The following SUCO variants were observed in gnomAD, a reference collection of about 807,000 sequenced individuals.
The protein encoded by SUCO is SUN domain containing ossification factor.
Under a neutral mutation model 148.1 loss-of-function variants are expected in SUCO, and 57 were observed. That is an observed-to-expected ratio of 0.38 (90% confidence interval 0.31 to 0.48). The LOEUF is 0.48. Ranked by LOEUF, SUCO falls within the 20% of genes least tolerant of loss-of-function variation. The pLI, the probability that SUCO is intolerant of heterozygous loss-of-function variation, is 0.96. For synonymous variants in SUCO, 470 were observed against 502.7 expected, an observed-to-expected ratio of 0.93 and a Z score of 0.87; for missense variants, 1,331 against 1,468.2, an observed-to-expected ratio of 0.91 and a Z score of 1.53.
chr1:172,601,379 A>G (rs1055893402), intron 20 of SUCO, among the ~76,000 whole-genome samples: 1 of 152,018 alleles, frequency 6.6e-6, no homozygotes, highest in Non-Finnish European at 1.5e-5. Context: ...TAATCCCAGC[A>G]ACTTGGGAGC....
chr1:172,599,515 T>G (rs1055587832), intron 19 of SUCO: 1 of 407,518 alleles, frequency 2.5e-6, no homozygotes, highest in Non-Finnish European at 3.3e-6. Context: ...GCATTTTTGA[T>G]GCATTTCTTT....
At chr1:172,571,578 G>A (rs905939939) in intron 9 of SUCO, among the ~76,000 whole-genome samples, 16 of 144,646 alleles carry the variant, frequency 1.1e-4, no homozygotes, top group Non-Finnish European at 2.0e-4. Context: ...AGTGAGGAGC[G>A]TCTCTGCCCG....
intron 10 of SUCO, chr1:172,574,850 C>T (rs1261794209): frequency 1.6e-5 from 16 of 983,842 alleles, no homozygotes; most frequent in South Asian, 4.7e-5. Context: ...TTTTTGAAAT[C>T]GGTTCTCAAG....
intron 22 of SUCO, among the ~76,000 whole-genome samples, chr1:172,604,149 G>T (rs994677613): frequency 1.2e-4 from 18 of 151,876 alleles, no homozygotes; most frequent in Non-Finnish European, 1.0e-4. Flanking sequence ...ATGCAATTAG[G>T]AAATACGTTA....
At chr1:172,542,382 C>CA (rs1299795957) in intron 1 of SUCO, among the ~76,000 whole-genome samples, 6 of 149,590 alleles carry the variant, frequency 4.0e-5, no homozygotes, top group East Asian at 2.0e-4. Flanking sequence ...AACTCCGTCT[C>CA]AAAAAAAAAG....
intron 4 of SUCO, chr1:172,556,675 T>C (rs1403428587): frequency 2.0e-6 from 2 of 984,886 alleles, no homozygotes; most frequent in Non-Finnish European, 2.4e-6. Flanking sequence ...GCACAAGATA[T>C]TATGGTTACC....
chr1:172,556,996 TTAGTA>T, intron 4 of SUCO: 2 of 979,342 alleles, frequency 2.0e-6, no homozygotes, highest in Non-Finnish European at 2.4e-6. Context: ...GCTGGTAGAA[TTAGTA>T]TAGTAATGAT....
intron 23 of SUCO, 46 bp from the exon 24 acceptor site, chr1:172,609,770 A>G (rs1191288692): frequency 1.3e-6 from 2 of 1,550,838 alleles, no homozygotes; most frequent in Non-Finnish European, 1.7e-6. Context: ...TGATAAGGTT[A>G]CTATGGGAAG....
intron 19 of SUCO, among the ~76,000 whole-genome samples, chr1:172,597,978 G>GT (rs1435625364): frequency 2.8e-4 from 43 of 152,260 alleles, no homozygotes; most frequent in African/African-American, 9.6e-4. Context: ...CAATATATCA[G>GT]TTTTCTCTTT....
At position 172,557,300 on chromosome 1, in the gene SUCO, C is replaced by T; in HGVS notation, c.464C>T (p.Thr155Ile). 6.2e-7 allele frequency: 1 copy of T among 1,613,570 alleles called. No individual in the cohort carries two copies. Among genetic ancestry groups the T allele is most frequent in the Non-Finnish European group, 8.5e-7 (1 of 1,179,716 alleles). The change falls in exon 5 of 24, where the codon ACT (threonine) becomes ATT (isoleucine). Residue 155 changes from threonine to isoleucine, a missense_variant. Thr to Ile is a moderately conservative substitution (Grantham distance 89, BLOSUM62 -1). This residue lies in a region of SUCO where 992 missense variants were observed against 1,093.5 expected (regional missense o/e 0.91). Coordinates refer to ENST00000263688, the MANE Select transcript of SUCO (RefSeq NM_014283.5). ...TTTAGTGAAATAGAAAAATCTGGTA[C>T]TATTCCGATAGCCAAACCAAGTGAA... is the stretch of plus-strand genomic sequence containing the variant. The part of the protein sequence containing the change: ...SKLDEIEKSG[T>I]IPIAKPSETE...
At chr1:172,609,132 A>G in intron 23 of SUCO, 1 of 574,136 alleles carries the variant, frequency 1.7e-6, no homozygotes, top group Non-Finnish European at 2.2e-6. Flanking sequence ...GATGATTGTC[A>G]TTATTTATTA....
chr1:172,571,607 A>T (rs1199621941), intron 9 of SUCO, among the ~76,000 whole-genome samples: 318 of 137,106 alleles, frequency 2.3e-3, no homozygotes, highest in African/African-American at 8.5e-3. Context: ...CCCATCTAGG[A>T]AGTGAGGAGC....
Position 172,590,929 on chromosome 1 carries a change from C to T in SUCO, c.2826-55C>T, listed in dbSNP as rs2149261846. On this transcript the variant is annotated intron_variant, in intron 18 of 23. Coordinates refer to ENST00000263688, the MANE Select transcript of SUCO (RefSeq NM_014283.5). Reference sequence around the variant, plus strand: ...CAAAATCAGAAGTATGTTTCCATTACTAAGTGGAATAAGTAAGAAATTAAA... The same window carrying T: ...CAAAATCAGAAGTATGTTTCCATTATTAAGTGGAATAAGTAAGAAATTAAA... 2.4e-6 allele frequency: 3 copies of T among 1,254,916 alleles called. No homozygotes were observed. In the East Asian group the frequency reaches 7.0e-5, roughly 29 times the overall value. The allele number at this position is 1,254,916 out of a possible 1,614,324, so 77.7% of individuals were successfully genotyped here. A position where few individuals can be genotyped will look rare whatever the true frequency, so the allele number is the denominator to read the frequency against.
intron 21 of SUCO, 61 bp from the exon 22 acceptor site, chr1:172,602,635 A>G: frequency 6.3e-7 from 1 of 1,588,244 alleles, no homozygotes; most frequent in Non-Finnish European, 8.5e-7. Flanking sequence ...GCCTCAACAA[A>G]AGAGTAAATT....
intron 14 of SUCO, among the ~76,000 whole-genome samples, chr1:172,578,960 CT>C: frequency 6.6e-6 from 1 of 152,090 alleles, no homozygotes; most frequent in African/African-American, 2.4e-5. Context: ...ATAAAAACGT[CT>C]TATAAATGTG....
In SUCO at chr1:172,573,884, T is replaced by C; in HGVS notation, c.1050-7T>C. Reference sequence around the variant, plus strand: ...GTTTAAGTAATTGTCTTTTGTTCTTTTTGAAGGTTTGTTATTGAACTTTGT... The same window carrying C: ...GTTTAAGTAATTGTCTTTTGTTCTTCTTGAAGGTTTGTTATTGAACTTTGT... On this transcript the variant is annotated splice_region_variant and splice_polypyrimidine_tract_variant and intron_variant, in intron 9 of 23. Transcript: ENST00000263688. 3 of 1,498,638 alleles carry C rather than the reference T, an allele frequency of 2.0e-6. No homozygotes were observed. The highest frequency in any genetic ancestry group is 2.8e-6 in the Non-Finnish European group (3 of 1,082,658). 92.8% of individuals were successfully genotyped at this position (1,498,638 alleles called of 1,614,324 possible). A position where few individuals can be genotyped will look rare whatever the true frequency, so the allele number is the denominator to read the frequency against.
chr1:172,573,890 G>A lies in SUCO; in HGVS notation c.1050-1G>A. 1 of 1,531,290 alleles carries A rather than the reference G, an allele frequency of 6.5e-7. No homozygotes were observed. Among genetic ancestry groups the A allele is most frequent in the Non-Finnish European group, 9.0e-7 (1 of 1,112,026 alleles). 94.9% of individuals were successfully genotyped at this position (1,531,290 alleles called of 1,614,324 possible). ...GTAATTGTCTTTTGTTCTTTTTGAAGGTTTGTTATTGAACTTTGTGAACCA... is the reference window on the plus strand; with the variant it reads ...GTAATTGTCTTTTGTTCTTTTTGAAAGTTTGTTATTGAACTTTGTGAACCA... On this transcript the variant is annotated splice_acceptor_variant, in intron 9 of 23. Transcript: ENST00000263688. LOFTEE classifies it high-confidence loss of function.
intron 3 of SUCO, chr1:172,555,335 A>G (rs1243440534): frequency 1.0e-6 from 1 of 977,072 alleles, no homozygotes; most frequent in African/African-American, 1.8e-5. Context: ...GAGGTTTTCA[A>G]ATATGAACAG....
At chr1:172,598,218 A>G (rs1257982827) in intron 19 of SUCO, among the ~76,000 whole-genome samples, 1 of 152,202 alleles carries the variant, frequency 6.6e-6, no homozygotes, top group African/African-American at 2.4e-5. Flanking sequence ...TCCTTTCTCC[A>G]CAGAATTTCC....
Sources: gnomAD v4.1 joint callset for allele counts (sites outside exome capture counted in the v4.1 genomes callset) on GRCh38, gnomAD v4.1.1 for gene constraint, gnomAD v4.1.1 regional missense constraint, MANE v1.5 for transcripts, NCBI Gene and HGNC (gene_info 2026-07-23, HGNC 2026-07-21) for gene names.